The following GARIN1A variants were observed in gnomAD, a reference collection of about 807,000 sequenced individuals.
The protein encoded by GARIN1A is golgi associated RAB2 interactor 1A.
chr7:128,688,099 C>T, the GARIN1A span, among the ~76,000 whole-genome samples: 1 of 151,964 alleles, frequency 6.6e-6, no homozygotes, highest in African/African-American at 2.4e-5. Context: ...GCAACCTCCA[C>T]CTCCCAGGTT....
At chr7:128,693,457 T>A in the GARIN1A span, 1 of 175,924 alleles carries the variant, frequency 5.7e-6, no homozygotes, top group African/African-American at 2.4e-5. Context: ...ATCGTGGTGC[T>A]GAAGCTTAAG....
the GARIN1A span, chr7:128,685,243 C>T: frequency 4.6e-5 from 7 of 152,226 alleles, no homozygotes; most frequent in African/African-American, 1.7e-4. Flanking sequence ...TTGTCAGGCT[C>T]CTGCTAGGTG....
chr7:128,675,781 T>C, the GARIN1A span: 1 of 1,613,698 alleles, frequency 6.2e-7, no homozygotes, highest in African/African-American at 1.3e-5. Flanking sequence ...GTCCTCCTGA[T>C]GGCCAATGTT....
the GARIN1A span, among the ~76,000 whole-genome samples, chr7:128,675,182 C>G: frequency 6.6e-6 from 1 of 152,172 alleles, no homozygotes; most frequent in African/African-American, 2.4e-5. Context: ...TCATTCCACT[C>G]AAGACCCAGC....
chr7:128,695,353 G>A, the GARIN1A span, among the ~76,000 whole-genome samples: 1 of 152,134 alleles, frequency 6.6e-6, no homozygotes, highest in Non-Finnish European at 1.5e-5. The surrounding 1 kb of genome is among the most constrained non-coding windows in gnomAD (Gnocchi z 4.5). Context: ...CTGCAGCACA[G>A]TTCCAAGAAA....
At chr7:128,677,905 G>T in the GARIN1A span, 5 of 1,107,642 alleles carry the variant, frequency 4.5e-6, no homozygotes, top group Admixed American at 5.9e-5. Context: ...TTGTTTCCAT[G>T]TCTTTTAAAA....
the GARIN1A span, among the ~76,000 whole-genome samples, chr7:128,703,709 C>G: frequency 6.6e-6 from 1 of 151,548 alleles, no homozygotes; most frequent in African/African-American, 2.4e-5. Flanking sequence ...CAGAGGAGTT[C>G]AAGGCTGCAG....
the GARIN1A span, among the ~76,000 whole-genome samples, chr7:128,673,198 A>C: frequency 6.6e-6 from 1 of 152,114 alleles, no homozygotes; most frequent in African/African-American, 2.4e-5. Flanking sequence ...CTAAACATCT[A>C]CTGAGTGCAG....
chr7:128,676,910 C>T, the GARIN1A span, among the ~76,000 whole-genome samples: 1 of 152,016 alleles, frequency 6.6e-6, no homozygotes, highest in African/African-American at 2.4e-5. Context: ...CAGTGGCTCA[C>T]ATCTGTAATC....
At chr7:128,682,801 T>G in the GARIN1A span, among the ~76,000 whole-genome samples, 4 of 152,306 alleles carry the variant, frequency 2.6e-5, no homozygotes, top group East Asian at 7.7e-4. Flanking sequence ...GGTCTTGAAC[T>G]CCTGACCTCA....
the GARIN1A span, among the ~76,000 whole-genome samples, chr7:128,704,428 C>T: frequency 1.1e-3 from 162 of 152,132 alleles, no homozygotes; most frequent in African/African-American, 3.8e-3. Flanking sequence ...CCTGAGCCTC[C>T]CAAGTAGCTG....
At chr7:128,679,541 C>A in the GARIN1A span, among the ~76,000 whole-genome samples, 1 of 152,080 alleles carries the variant, frequency 6.6e-6, no homozygotes, top group East Asian at 1.9e-4. Context: ...CAAATTTTTA[C>A]AAATATTTCC....
the GARIN1A span, chr7:128,680,043 CT>C: frequency 6.4e-7 from 1 of 1,566,070 alleles, no homozygotes; most frequent in East Asian, 2.4e-5. Flanking sequence ...TGAAAACAGC[CT>C]CCTGTCATCC....
At chr7:128,707,811 T>C in the GARIN1A span, among the ~76,000 whole-genome samples, 2,931 of 152,230 alleles carry the variant, frequency 0.019, 46 homozygotes, top group South Asian at 0.053. Context: ...TTGTGTCTGG[T>C]TTATTTCATT....
the GARIN1A span, chr7:128,686,859 G>C: frequency 6.7e-6 from 1 of 149,424 alleles, no homozygotes; most frequent in Non-Finnish European, 1.5e-5. Context: ...CTGGGCAACA[G>C]AGCAAGATTC....
the GARIN1A span, among the ~76,000 whole-genome samples, chr7:128,699,831 T>G: frequency 2.0e-5 from 3 of 152,262 alleles, no homozygotes; most frequent in African/African-American, 4.8e-5. Context: ...CTTCTGTGAT[T>G]ATTACTTTGT....
At chr7:128,672,405 A>G in the GARIN1A span, 1 of 1,607,298 alleles carries the variant, frequency 6.2e-7, no homozygotes, top group Non-Finnish European at 8.5e-7. Context: ...CCAATGAGTA[A>G]AATCAGGGGC....
chr7:128,681,627 A>G, the GARIN1A span, among the ~76,000 whole-genome samples: 1 of 151,010 alleles, frequency 6.6e-6, no homozygotes, highest in Non-Finnish European at 1.5e-5. Flanking sequence ...TCAGCCTCCC[A>G]AGTAACTGGG....
At chr7:128,702,601 C>A in the GARIN1A span, among the ~76,000 whole-genome samples, 2 of 151,910 alleles carry the variant, frequency 1.3e-5, no homozygotes, top group East Asian at 3.9e-4. Flanking sequence ...TGATCAATAA[C>A]CCCCCCAAAA....
Sources: allele counts gnomAD v4.1 joint callset (sites outside exome capture counted in the v4.1 genomes callset), GRCh38; gene constraint gnomAD v4.1.1; non-coding constraint Gnocchi (gnomAD v3.1); transcripts MANE v1.5; gene names NCBI Gene and HGNC (gene_info 2026-07-23, HGNC 2026-07-21).